Variants in CLEC16A observed in about 807,000 individuals in gnomAD.
CLEC16A encodes the protein protein CLEC16A.
CLEC16A carries 51 observed loss-of-function variants against 109.5 expected under a neutral mutation model. The ratio of observed to expected loss-of-function variants is 0.47; its 90% CI spans 0.37 to 0.59. CLEC16A has a LOEUF of 0.59. CLEC16A is among the 20% of genes least tolerant of loss of function. The pLI, the probability that CLEC16A is intolerant of heterozygous loss-of-function variation, is 0.00. For missense variants in CLEC16A, 1,339 were observed against 1,394.0 expected, an observed-to-expected ratio of 0.96 and a Z score of 0.63; for synonymous variants, 673 against 564.2, an observed-to-expected ratio of 1.19 and a Z score of -2.73.
chr16:11,134,073 G>A (rs2053410920), intron 22 of CLEC16A, among the ~76,000 whole-genome samples: 1 of 151,988 alleles, frequency 6.6e-6, no homozygotes. Context: ...TCAGAAAGTG[G>A]CCTACCCAAG....
chr16:11,065,247 A>T (rs542058238), intron 19 of CLEC16A, among the ~76,000 whole-genome samples: 1 of 152,322 alleles, frequency 6.6e-6, no homozygotes, highest in East Asian at 1.9e-4. Flanking sequence ...ATGAGCAACC[A>T]CAATAGGGGA....
Position 11,067,999 on chromosome 16 carries a change from T to C in CLEC16A, c.2116+6977T>C, listed in dbSNP as rs76090499. The stretch of plus-strand genomic sequence containing the variant: ...CACCTCCTGGCAAGGCAGGCTGCTG[T>C]GGACCTTCCCTTTGCTCTCCTTCTG... On this transcript the variant is annotated intron_variant, in intron 19 of 23. Transcript: ENST00000409790. Among the ~76,000 whole-genome samples the C allele has an allele frequency of 3.5e-3, 528 of 152,362 alleles. 1 individual carries two copies. Among genetic ancestry groups the C allele is most frequent in the Non-Finnish European group, 6.4e-3 (437 of 68,030 alleles).
chr16:11,028,235 A>G (rs543018794), intron 13 of CLEC16A, among the ~76,000 whole-genome samples: 6 of 152,342 alleles, frequency 3.9e-5, no homozygotes, highest in African/African-American at 1.2e-4. Context: ...GTTCATGTCA[A>G]GCACCTCTCA....
chr16:10,990,802 A>G (rs950363960), intron 10 of CLEC16A, among the ~76,000 whole-genome samples: 3 of 152,216 alleles, frequency 2.0e-5, no homozygotes, highest in African/African-American at 4.8e-5. Context: ...CTGGGTTTCA[A>G]TTAAAATCAG....
At chr16:11,134,683 T>G (rs1385282678) in intron 22 of CLEC16A, among the ~76,000 whole-genome samples, 1 of 152,230 alleles carries the variant, frequency 6.6e-6, no homozygotes, top group Non-Finnish European at 1.5e-5. Flanking sequence ...TGCTCCGATG[T>G]GTGTTTCCTT....
intron 23 of CLEC16A, among the ~76,000 whole-genome samples, chr16:11,168,823 A>T (rs1245803187): frequency 1.3e-5 from 2 of 152,222 alleles, no homozygotes; most frequent in South Asian, 4.1e-4. Flanking sequence ...GAGAAGGGAG[A>T]CAGCTTTGTT....
chr16:11,003,370 A>G lies in CLEC16A; in HGVS notation c.1303+65A>G, dbSNP rs1038651632. 1.2e-5 allele frequency: 16 copies of G among 1,325,236 alleles called. No homozygotes were observed. The Admixed American group carries it at 3.1e-4, about 26-fold the overall frequency. 82.1% of individuals were successfully genotyped at this position (1,325,236 alleles called of 1,614,324 possible). A position where few individuals can be genotyped will look rare whatever the true frequency, so the allele number is the denominator to read the frequency against. On this transcript the variant is annotated intron_variant, in intron 11 of 23. Transcript: ENST00000409790. The stretch of plus-strand genomic sequence containing the variant: ...CAGCCAGCCCGCCAGCGAGGCTGCC[A>G]CCTGTGCCCTCTCCACCCAGACTTC...
chr16:11,068,295 A>T (rs1196636813), intron 19 of CLEC16A, among the ~76,000 whole-genome samples: 1 of 152,196 alleles, frequency 6.6e-6, no homozygotes, highest in Non-Finnish European at 1.5e-5. Flanking sequence ...GGGCCCACAA[A>T]TGTAGCTTCA....
At chr16:11,026,606 T>G (rs1327697147) in intron 13 of CLEC16A, among the ~76,000 whole-genome samples, 2 of 151,920 alleles carry the variant, frequency 1.3e-5, no homozygotes, top group Admixed American at 6.6e-5. Flanking sequence ...GTTCTGCTGT[T>G]TTTGATTTTG....
At chr16:10,962,387 A>G in intron 2 of CLEC16A, 68 bp from the exon 3 acceptor site, 1 of 1,594,742 alleles carries the variant, frequency 6.3e-7, no homozygotes, top group Non-Finnish European at 8.6e-7. Context: ...TTGTGAATGA[A>G]ACCAGATAAT....
chr16:11,061,153 C>T, intron 19 of CLEC16A, 131 bp downstream of exon 19: 1 of 1,090,578 alleles, frequency 9.2e-7, no homozygotes, highest in Non-Finnish European at 1.2e-6. Context: ...GAGCTGTGAC[C>T]TTGAGCCAGC....
intron 1 of CLEC16A, among the ~76,000 whole-genome samples, chr16:10,951,669 C>A (rs1205259728): frequency 2.0e-5 from 3 of 152,222 alleles, no homozygotes; most frequent in Non-Finnish European, 4.4e-5. Flanking sequence ...TAGGAAGCTT[C>A]ATCTGTTTTA....
At chr16:10,944,878 GGC>G in intron 1 of CLEC16A, 81 bp downstream of exon 1, 1 of 1,374,144 alleles carries the variant, frequency 7.3e-7, no homozygotes, top group Non-Finnish European at 1.0e-6. Flanking sequence ...GGCTCTAGGA[GGC>G]GTGAGAGCGG....
chr16:11,169,097 C>T (rs1475994660), intron 23 of CLEC16A, among the ~76,000 whole-genome samples: 1 of 152,154 alleles, frequency 6.6e-6, no homozygotes, highest in Non-Finnish European at 1.5e-5. Flanking sequence ...AGCTGCAGCC[C>T]CCTACAAGGG....
chr16:11,125,120 C>T (rs1047977684), intron 21 of CLEC16A, among the ~76,000 whole-genome samples: 19 of 152,080 alleles, frequency 1.2e-4, no homozygotes, highest in African/African-American at 4.1e-4. Context: ...AGTTTCTGGG[C>T]GTTACCGATG....
intron 19 of CLEC16A, among the ~76,000 whole-genome samples, chr16:11,113,790 G>A (rs574683510): frequency 6.6e-6 from 1 of 152,292 alleles, no homozygotes; most frequent in East Asian, 1.9e-4. Flanking sequence ...ATTGCTCCTT[G>A]GTGTTACACA....
chr16:11,073,409 TG>T (rs2049177961), intron 19 of CLEC16A, among the ~76,000 whole-genome samples: 1 of 152,126 alleles, frequency 6.6e-6, no homozygotes, highest in Non-Finnish European at 1.5e-5. Flanking sequence ...ATCCCTGGTC[TG>T]GCCTCTCCAC....
At chr16:10,994,047 C>CT (rs2044186239) in intron 10 of CLEC16A, among the ~76,000 whole-genome samples, 1 of 152,200 alleles carries the variant, frequency 6.6e-6, no homozygotes, top group African/African-American at 2.4e-5. Flanking sequence ...GAGCACGCGG[C>CT]TGCAAGAGGC....
intron 10 of CLEC16A, among the ~76,000 whole-genome samples, chr16:10,985,257 T>C (rs2043572607): frequency 3.3e-5 from 5 of 149,826 alleles, no homozygotes; most frequent in Admixed American, 2.7e-4. Context: ...AAGTGCCTGC[T>C]GGGTTGCAAA....
Sources: gnomAD v4.1 joint callset for allele counts (sites outside exome capture counted in the v4.1 genomes callset) on GRCh38, gnomAD v4.1.1 for gene constraint, MANE v1.5 for transcripts, NCBI Gene and HGNC (gene_info 2026-07-23, HGNC 2026-07-21) for gene names.